The following ZFAT variants were observed in gnomAD, a reference collection of about 807,000 sequenced individuals.
ZFAT encodes the protein zinc finger and AT-hook domain containing.
Under a neutral mutation model 117.7 loss-of-function variants are expected in ZFAT, and 64 were observed. The observed-to-expected ratio is 0.54, with a 90% CI of 0.44 to 0.67. The LOEUF (loss-of-function observed/expected upper bound fraction) is 0.67. Among genes scored for constraint, ZFAT ranks in the 30% least tolerant of loss-of-function variants. The pLI, the probability that ZFAT is intolerant of heterozygous loss-of-function variation, is 0.00. For missense variants in ZFAT, 1,433 were observed against 1,584.5 expected, an observed-to-expected ratio of 0.90 and a Z score of 1.62; for synonymous variants, 679 against 615.0, an observed-to-expected ratio of 1.10 and a Z score of -1.54.
the ZFAT span, among the ~76,000 whole-genome samples, chr8:134,756,255 C>T: frequency 6.6e-6 from 1 of 152,252 alleles, no homozygotes; most frequent in Non-Finnish European, 1.5e-5. Flanking sequence ...GAACTCCTCA[C>T]ACTTATACAA....
intron 1 of ZFAT, among the ~76,000 whole-genome samples, chr8:134,699,902 C>G (rs1377498884): frequency 6.6e-6 from 1 of 152,190 alleles, no homozygotes; most frequent in African/African-American, 2.4e-5. Flanking sequence ...TCGGCTCAGG[C>G]AGAAGGCTGG....
chr8:134,809,441 T>C, the ZFAT span, among the ~76,000 whole-genome samples: 1 of 152,208 alleles, frequency 6.6e-6, no homozygotes, highest in African/African-American at 2.4e-5. Flanking sequence ...TTTTCCTAAA[T>C]AGTATTTTAA....
chr8:134,484,490 T>C (rs946601195), intron 15 of ZFAT, among the ~76,000 whole-genome samples: 1 of 152,136 alleles, frequency 6.6e-6, no homozygotes, highest in African/African-American at 2.4e-5. Flanking sequence ...AGACGGTGCA[T>C]TGTCTATGGA....
chr8:134,514,354 C>T (rs376385035), intron 13 of ZFAT, among the ~76,000 whole-genome samples: 19 of 152,286 alleles, frequency 1.2e-4, no homozygotes, highest in African/African-American at 4.1e-4. Context: ...AATTGACACT[C>T]GAGTGTCTAT....
At chr8:134,724,320 C>T in the ZFAT span, among the ~76,000 whole-genome samples, 1 of 152,186 alleles carries the variant, frequency 6.6e-6, no homozygotes, top group Non-Finnish European at 1.5e-5. Context: ...CAATGGAACA[C>T]AGGTGACCCA....
Position 134,712,907 on chromosome 8 carries a change from C to T in ZFAT, c.-44G>A. ...AGGAAAAAAAAGCCTCGGGCTCTTCCGGGCCCCCTCCCGTGCCGACCGAGG... is the reference window on the plus strand; with the variant it reads ...AGGAAAAAAAAGCCTCGGGCTCTTCTGGGCCCCCTCCCGTGCCGACCGAGG... On this transcript the variant is annotated 5_prime_UTR_variant, in exon 1 of 16. Coordinates refer to ENST00000377838, the MANE Select transcript of ZFAT (RefSeq NM_020863.4). The T allele has an allele frequency of 1.3e-6, 2 of 1,495,156 alleles. No homozygotes were observed. The highest frequency in any genetic ancestry group is 1.8e-6 in the Non-Finnish European group (2 of 1,122,916). 92.6% of individuals were successfully genotyped at this position (1,495,156 alleles called of 1,614,324 possible). A position where few individuals can be genotyped will look rare whatever the true frequency, so the allele number is the denominator to read the frequency against.
At chr8:134,516,182 T>C (rs898862700) in intron 13 of ZFAT, among the ~76,000 whole-genome samples, 2 of 152,242 alleles carry the variant, frequency 1.3e-5, no homozygotes, top group Admixed American at 6.5e-5. Flanking sequence ...TTTCGCTGAT[T>C]GCATCACCAT....
At chr8:134,787,201 G>T in the ZFAT span, among the ~76,000 whole-genome samples, 1 of 152,030 alleles carries the variant, frequency 6.6e-6, no homozygotes, top group Non-Finnish European at 1.5e-5. Flanking sequence ...CCTCTACCCT[G>T]ATTCTATCAC....
chr8:134,808,703 T>G, the ZFAT span, among the ~76,000 whole-genome samples: 1 of 152,248 alleles, frequency 6.6e-6, no homozygotes, highest in East Asian at 1.9e-4. Flanking sequence ...ATCATCACCA[T>G]GACATCTTAT....
At chr8:134,645,010 A>ATC (rs1830799077) in intron 2 of ZFAT, among the ~76,000 whole-genome samples, 1 of 152,188 alleles carries the variant, frequency 6.6e-6, no homozygotes, top group Non-Finnish European at 1.5e-5. Context: ...CGCACATGGG[A>ATC]TCACACACAC....
intron 2 of ZFAT, among the ~76,000 whole-genome samples, chr8:134,641,535 T>C (rs1424208481): frequency 6.6e-6 from 1 of 152,186 alleles, no homozygotes; most frequent in Non-Finnish European, 1.5e-5. Flanking sequence ...AATTACAGTG[T>C]GAGCCACACA....
intron 10 of ZFAT, among the ~76,000 whole-genome samples, chr8:134,566,373 G>A (rs575719770): frequency 1.6e-4 from 15 of 96,512 alleles, no homozygotes; most frequent in African/African-American, 5.9e-4. Context: ...CAGCCTGGGC[G>A]ACAGAGCAAG....
chr8:134,807,773 A>C, the ZFAT span, among the ~76,000 whole-genome samples: 1 of 152,142 alleles, frequency 6.6e-6, no homozygotes, highest in Admixed American at 6.5e-5. Flanking sequence ...CTTGTTTTCA[A>C]TCCATTCAAT....
intron 2 of ZFAT, among the ~76,000 whole-genome samples, chr8:134,652,928 G>A (rs1320853447): frequency 6.6e-6 from 1 of 152,030 alleles, no homozygotes; most frequent in Non-Finnish European, 1.5e-5. Flanking sequence ...TATAGCCAAC[G>A]TGAATGCACA....
chr8:134,501,352 C>T (rs1225261438), intron 15 of ZFAT, among the ~76,000 whole-genome samples: 1 of 152,140 alleles, frequency 6.6e-6, no homozygotes, highest in Non-Finnish European at 1.5e-5. Context: ...CATTACACTA[C>T]AGAGGCTGCA....
At chr8:134,702,261 G>T (rs988332368) in intron 1 of ZFAT, among the ~76,000 whole-genome samples, 1 of 152,058 alleles carries the variant, frequency 6.6e-6, no homozygotes, top group African/African-American at 2.4e-5. Context: ...ACTAAGACAG[G>T]GCTATTACAA....
chr8:134,708,202 T>C (rs1214249040), intron 1 of ZFAT, among the ~76,000 whole-genome samples: 2 of 152,178 alleles, frequency 1.3e-5, no homozygotes, highest in African/African-American at 2.4e-5. Flanking sequence ...GAAGAAATGA[T>C]GATCAAAGGC....
At chr8:134,766,710 G>A in the ZFAT span, 1 of 152,132 alleles carries the variant, frequency 6.6e-6, no homozygotes, top group Non-Finnish European at 1.5e-5. Context: ...ACCATATAAT[G>A]TACCAACAAT....
chr8:134,709,948 A>C (rs1185682841), intron 1 of ZFAT, among the ~76,000 whole-genome samples: 1 of 152,220 alleles, frequency 6.6e-6, no homozygotes, highest in Non-Finnish European at 1.5e-5. Context: ...CTTATCATTC[A>C]TTGTACTCCC....
Sources: allele counts gnomAD v4.1 joint callset (sites outside exome capture counted in the v4.1 genomes callset), GRCh38; gene constraint gnomAD v4.1.1; transcripts MANE v1.5; gene names NCBI Gene and HGNC (gene_info 2026-07-23, HGNC 2026-07-21).